Variants in VWA8 observed in about 807,000 individuals in gnomAD.
VWA8 encodes von Willebrand factor A domain-containing protein 8.
In VWA8, 221 loss-of-function variants were observed where a neutral mutation model predicts 241.5. The ratio of observed to expected loss-of-function variants is 0.91; its 90% CI spans 0.82 to 1.02. VWA8 has a LOEUF of 1.02. VWA8 is among the 50% of genes least tolerant of loss of function. VWA8 has a pLI of 0.00. For synonymous variants in VWA8, 852 were observed against 827.1 expected (o/e 1.03, Z -0.52); for missense variants, 2,322 against 2,328.7 (o/e 1.00, Z 0.06).
chr13:41,870,843 T>C (rs1010515319), intron 9 of VWA8, among the ~76,000 whole-genome samples: 1 of 152,006 alleles, frequency 6.6e-6, no homozygotes, highest in Non-Finnish European at 1.5e-5. Flanking sequence ...ACACAAATAA[T>C]TAAAGCTAAA....
chr13:41,931,205 A>C (rs1392000422), intron 2 of VWA8, among the ~76,000 whole-genome samples: 9 of 150,350 alleles, frequency 6.0e-5, no homozygotes, highest in African/African-American at 1.9e-4. Context: ...AAAAAGAAGG[A>C]AATCTTACCA....
chr13:41,896,351 T>G (rs1207376572), intron 4 of VWA8, among the ~76,000 whole-genome samples: 1 of 152,026 alleles, frequency 6.6e-6, no homozygotes, highest in African/African-American at 2.4e-5. Flanking sequence ...AATTTAAAAA[T>G]TTAATGATAC....
At chr13:41,613,660 C>T (rs1021299535) in intron 38 of VWA8, among the ~76,000 whole-genome samples, 1 of 152,100 alleles carries the variant, frequency 6.6e-6, no homozygotes, top group African/African-American at 2.4e-5. Context: ...CTTCCCAGAG[C>T]CTTTAATTTG....
chr13:41,752,697 A>G (rs2045665142), intron 21 of VWA8, among the ~76,000 whole-genome samples: 1 of 152,172 alleles, frequency 6.6e-6, no homozygotes, highest in African/African-American at 2.4e-5. Context: ...ATACGGCAAG[A>G]AGCTAACACT....
rs574418515 is a variant in VWA8, at chr13:41,881,917, C to T, written c.1080+1470G>A. ...GCCTGGCGGGGGCTGACCCCCACCT[C>T]CCTCCCGGACGGGGTGGCTGCTGGG... is the stretch of plus-strand genomic sequence containing the variant. On this transcript the variant is annotated intron_variant, in intron 9 of 44. Transcript: ENST00000379310. Among the ~76,000 whole-genome samples the T allele has an allele frequency of 6.2e-3, 906 of 145,856 alleles. 4 individuals carry two copies. The highest frequency in any genetic ancestry group is 0.023 in the African/African-American group (841 of 37,026).
chr13:41,723,786 G>A (rs1410682287), intron 24 of VWA8, among the ~76,000 whole-genome samples: 3 of 85,474 alleles, frequency 3.5e-5, no homozygotes, highest in Admixed American at 1.4e-4. Context: ...TATTGAACTG[G>A]AAGCTGGATA....
At chr13:41,669,565 G>A (rs998902226) in intron 37 of VWA8, among the ~76,000 whole-genome samples, 1 of 152,156 alleles carries the variant, frequency 6.6e-6, no homozygotes, top group African/African-American at 2.4e-5. Flanking sequence ...TTTTGTAGCA[G>A]TCAAGCACAA....
chr13:41,702,572 G>GGA (rs1566421044), intron 27 of VWA8, among the ~76,000 whole-genome samples: 1 of 151,954 alleles, frequency 6.6e-6, no homozygotes, highest in African/African-American at 2.4e-5. Flanking sequence ...TCCACAGCCT[G>GGA]TTTTTTTTGT....
At chr13:41,911,398 T>A (rs1156432804) in intron 3 of VWA8, among the ~76,000 whole-genome samples, 1 of 152,156 alleles carries the variant, frequency 6.6e-6, no homozygotes, top group Non-Finnish European at 1.5e-5. Context: ...GGTTGAGATT[T>A]GAGCTTCAGT....
At chr13:41,591,240 G>A (rs1261996194) in intron 40 of VWA8, among the ~76,000 whole-genome samples, 1 of 152,152 alleles carries the variant, frequency 6.6e-6, no homozygotes, top group African/African-American at 2.4e-5. Flanking sequence ...GAAAACAATA[G>A]TATGTGAACA....
chr13:41,851,533 G>A (rs182439090), intron 12 of VWA8, among the ~76,000 whole-genome samples: 1 of 152,290 alleles, frequency 6.6e-6, no homozygotes, highest in East Asian at 1.9e-4. Context: ...TTCTCGTGCT[G>A]TTCTCGTGGT....
chr13:41,927,315 T>A (rs1876893865), intron 2 of VWA8: 1 of 528,520 alleles, frequency 1.9e-6, no homozygotes, highest in African/African-American at 1.9e-5. Context: ...CAACCACTGA[T>A]ATGCTGGAAA....
chr13:41,689,088 A>G (rs1033957127), intron 34 of VWA8, among the ~76,000 whole-genome samples: 14 of 152,166 alleles, frequency 9.2e-5, no homozygotes, highest in African/African-American at 3.1e-4. Flanking sequence ...TTTAAACTGT[A>G]TTACATGAAC....
chr13:41,715,829 T>TA (rs756176335), intron 26 of VWA8, among the ~76,000 whole-genome samples: 75 of 152,114 alleles, frequency 4.9e-4, no homozygotes, highest in Non-Finnish European at 9.3e-4. Flanking sequence ...AACACACACA[T>TA]ATAGCATCAA....
At chr13:41,865,028 T>C (rs1487365870) in intron 12 of VWA8, among the ~76,000 whole-genome samples, 1 of 151,378 alleles carries the variant, frequency 6.6e-6, no homozygotes, top group African/African-American at 2.4e-5. Context: ...TGGTAAACTT[T>C]ATGTTATATA....
intron 41 of VWA8, 48 bp from the exon 42 acceptor site, chr13:41,587,718 C>T (rs755971037): frequency 6.8e-6 from 11 of 1,606,214 alleles, no homozygotes; most frequent in Non-Finnish European, 8.5e-6. Flanking sequence ...GGCAAACTTC[C>T]CCTGGTGGCT....
At chr13:41,874,439 T>C (rs543874805) in intron 9 of VWA8, among the ~76,000 whole-genome samples, 8 of 152,196 alleles carry the variant, frequency 5.3e-5, no homozygotes, top group Admixed American at 1.3e-4. Context: ...GAAAACCCCA[T>C]TGTCTCAGCC....
At position 41,778,033 on chromosome 13, in the gene VWA8, C is replaced by CAT. The variant is rs763476289; in HGVS notation, c.2299_2300dup (p.Met767IlefsTer3). On this transcript the variant is annotated frameshift_variant, in exon 20 of 45. Coordinates refer to ENST00000379310, the MANE Select transcript of VWA8 (RefSeq NM_015058.2). LOFTEE classifies it high-confidence loss of function. Reference sequence around the variant, plus strand: ...GTTCTCCAAGGAGAAAGTCTTTCAGCATATCTTCCATCACTATCACATGCT... The same window carrying CAT: ...GTTCTCCAAGGAGAAAGTCTTTCAGCATATATCTTCCATCACTATCACATGCT... 6.2e-7 allele frequency: 1 copy of CAT among 1,612,002 alleles called. No individual in the cohort carries two copies. The highest frequency in any genetic ancestry group is 8.5e-7 in the Non-Finnish European group (1 of 1,179,280).
Position 41,592,208 on chromosome 13 carries a change from T to C in VWA8, c.4987-1443A>G, listed in dbSNP as rs796449517. ...GGAAATCATCATTCTCAGTAAACTA[T>C]CGCAAGAACAAAAAACCAAACACCG... On this transcript the variant is annotated intron_variant, in intron 40 of 44. Coordinates refer to ENST00000379310, the MANE Select transcript of VWA8 (RefSeq NM_015058.2). 1.8e-3 allele frequency among the ~76,000 whole-genome samples: 250 copies of C among 139,912 alleles called. 5 individuals are homozygous for C. In the East Asian group the frequency reaches 0.049, roughly 27 times the overall value. 91.8% of individuals were successfully genotyped at this position (139,912 alleles called of 152,430 possible).
Sources: gnomAD v4.1 joint callset for allele counts (sites outside exome capture counted in the v4.1 genomes callset) on GRCh38, gnomAD v4.1.1 for gene constraint, MANE v1.5 for transcripts, NCBI Gene and HGNC (gene_info 2026-07-23, HGNC 2026-07-21) for gene names.